The following BRINP3 variants were observed in gnomAD, a reference collection of about 807,000 sequenced individuals.
BRINP3 encodes BMP/retinoic acid-inducible neural-specific protein 3.
Under a neutral mutation model 71.0 loss-of-function variants are expected in BRINP3, and 19 were observed. The ratio of observed to expected loss-of-function variants is 0.27; its 90% CI spans 0.19 to 0.39. BRINP3 has a LOEUF of 0.39. BRINP3 is among the 10% of genes least tolerant of loss of function. The pLI is 1.00. For missense variants in BRINP3, 959 were observed against 940.8 expected, an observed-to-expected ratio of 1.02 and a Z score of -0.25; for synonymous variants, 380 against 337.7, an observed-to-expected ratio of 1.13 and a Z score of -1.37.
At chr1:190,385,525 A>G (rs905257375) in intron 2 of BRINP3, among the ~76,000 whole-genome samples, 2 of 151,882 alleles carry the variant, frequency 1.3e-5, no homozygotes, top group African/African-American at 4.8e-5. Flanking sequence ...TCAAAACCAC[A>G]ATGAGATACC....
chr1:190,432,834 TCA>T, intron 2 of BRINP3, among the ~76,000 whole-genome samples: 1 of 152,306 alleles, frequency 6.6e-6, no homozygotes, highest in East Asian at 1.9e-4. Context: ...TACCTAAAAT[TCA>T]CACTTAATGG....
At chr1:190,454,300 CAT>C (rs1277697457) in intron 2 of BRINP3, among the ~76,000 whole-genome samples, 2 of 152,130 alleles carry the variant, frequency 1.3e-5, no homozygotes, top group African/African-American at 4.8e-5. Flanking sequence ...AAAAAGGTAA[CAT>C]AGCATTGTAT....
intron 6 of BRINP3, among the ~76,000 whole-genome samples, chr1:190,201,639 G>A (rs1298055571): frequency 1.3e-5 from 2 of 152,206 alleles, no homozygotes; most frequent in Non-Finnish European, 2.9e-5. Context: ...CTGGGCCCAA[G>A]GTCACATGCT....
intron 2 of BRINP3, among the ~76,000 whole-genome samples, chr1:190,354,433 C>T (rs961068399): frequency 6.6e-6 from 1 of 151,844 alleles, no homozygotes; most frequent in Non-Finnish European, 1.5e-5. Context: ...ATGGTATCAT[C>T]TATGCTGGAA....
chr1:190,128,748 G>T (rs898488483), intron 7 of BRINP3, among the ~76,000 whole-genome samples: 5 of 151,710 alleles, frequency 3.3e-5, no homozygotes, highest in Admixed American at 1.3e-4. Flanking sequence ...AAGTAGCAGA[G>T]AATCAAGAGA....
At chr1:190,294,851 G>A (rs1323446305) in intron 2 of BRINP3, among the ~76,000 whole-genome samples, 1 of 151,844 alleles carries the variant, frequency 6.6e-6, no homozygotes, top group Non-Finnish European at 1.5e-5. Flanking sequence ...CTGACCCTAG[G>A]TTTGTTGTAA....
chr1:190,217,433 A>T (rs1656509344), intron 6 of BRINP3, among the ~76,000 whole-genome samples: 1 of 152,002 alleles, frequency 6.6e-6, no homozygotes, highest in Non-Finnish European at 1.5e-5. Flanking sequence ...TTTTAAAAAG[A>T]GTCCAATATA....
chr1:190,265,716 AAAAT>A (rs1418531636), intron 3 of BRINP3, among the ~76,000 whole-genome samples: 1 of 151,562 alleles, frequency 6.6e-6, no homozygotes, highest in African/African-American at 2.4e-5. Flanking sequence ...CTCCGTCTCA[AAAAT>A]AAATAAATAA....
intron 7 of BRINP3, among the ~76,000 whole-genome samples, chr1:190,145,854 A>G (rs1470287803): frequency 6.6e-6 from 1 of 152,178 alleles, no homozygotes; most frequent in African/African-American, 2.4e-5. Flanking sequence ...CACACATACC[A>G]TGGAATACTA....
chr1:190,303,938 AT>A (rs1664910527), intron 2 of BRINP3, among the ~76,000 whole-genome samples: 1 of 151,580 alleles, frequency 6.6e-6, no homozygotes, highest in Non-Finnish European at 1.5e-5. Context: ...TAAATAATTT[AT>A]TTTTTCCATT....
intron 1 of BRINP3, among the ~76,000 whole-genome samples, chr1:190,457,174 G>C (rs1400467932): frequency 6.6e-6 from 1 of 152,124 alleles, no homozygotes; most frequent in Non-Finnish European, 1.5e-5. Flanking sequence ...AGGCACGGTA[G>C]CTCACGCCTA....
At chr1:190,364,894 G>A (rs1669384678) in intron 2 of BRINP3, among the ~76,000 whole-genome samples, 1 of 152,070 alleles carries the variant, frequency 6.6e-6, no homozygotes, top group African/African-American at 2.4e-5. Context: ...AAGAGACTAT[G>A]TAGAGAATTA....
intron 3 of BRINP3, among the ~76,000 whole-genome samples, chr1:190,272,343 A>G (rs1474420815): frequency 1.3e-5 from 2 of 151,484 alleles, no homozygotes; most frequent in East Asian, 1.9e-4. Flanking sequence ...GTTTAGAGTC[A>G]GGTATGTAAG....
At chr1:190,403,945 G>A (rs1423694023) in intron 2 of BRINP3, among the ~76,000 whole-genome samples, 2 of 152,178 alleles carry the variant, frequency 1.3e-5, no homozygotes, top group African/African-American at 2.4e-5. Context: ...AGTTTCTTAA[G>A]AGACTGTATG....
intron 7 of BRINP3, among the ~76,000 whole-genome samples, chr1:190,116,915 A>G (rs1653183613): frequency 6.6e-6 from 1 of 152,044 alleles, no homozygotes; most frequent in South Asian, 2.1e-4. Context: ...GGCTTTGGAT[A>G]TAAGGACATC....
intron 6 of BRINP3, among the ~76,000 whole-genome samples, chr1:190,177,283 C>T (rs1652618433): frequency 1.4e-5 from 2 of 145,838 alleles, no homozygotes; most frequent in Non-Finnish European, 1.5e-5. Flanking sequence ...CTGCCTCAGT[C>T]TCCTGAGTAG....
chr1:190,368,709 C>T lies in BRINP3; in HGVS notation c.236+85946G>A, dbSNP rs114923860. On this transcript the variant is annotated intron_variant, in intron 2 of 7. Transcript: ENST00000367462. ...TCAGGAGACAAGATAAGGGTAATCA[C>T]CCCAGCACGTGGACCCATTTAGATT... Among the ~76,000 whole-genome samples, 969 of 152,220 alleles carry T rather than the reference C, an allele frequency of 6.4e-3. 13 individuals are homozygous for T. Among genetic ancestry groups the T allele is most frequent in the African/African-American group, 0.022 (902 of 41,522 alleles).
intron 4 of BRINP3, among the ~76,000 whole-genome samples, chr1:190,247,941 C>T (rs560326094): frequency 1.9e-3 from 291 of 151,956 alleles, no homozygotes; most frequent in African/African-American, 6.8e-3. Flanking sequence ...ACTCTATCTT[C>T]GACAAAGTTT....
intron 2 of BRINP3, among the ~76,000 whole-genome samples, chr1:190,299,408 T>A (rs1465128428): frequency 6.6e-6 from 1 of 151,396 alleles, no homozygotes; most frequent in Non-Finnish European, 1.5e-5. Context: ...GAATAGTTTT[T>A]TTTCCTAAAA....
Sources: gnomAD v4.1 joint callset for allele counts (sites outside exome capture counted in the v4.1 genomes callset) on GRCh38, gnomAD v4.1.1 for gene constraint, MANE v1.5 for transcripts, NCBI Gene and HGNC (gene_info 2026-07-23, HGNC 2026-07-21) for gene names.